SLC2A12: variants seen among roughly 807,000 people sequenced by gnomAD.
The protein encoded by SLC2A12 is solute carrier family 2 member 12.
A neutral mutation model predicts 41.8 loss-of-function variants in SLC2A12; 23 were observed. The ratio of observed to expected loss-of-function variants is 0.55; its 90% confidence interval spans 0.40 to 0.78. The LOEUF is 0.78. Ranked by LOEUF, SLC2A12 falls within the 30% of genes least tolerant of loss-of-function variation. SLC2A12 has a pLI of 0.00. For synonymous variants in SLC2A12, 295 were observed against 285.9 expected (o/e 1.03, Z -0.32); for missense variants, 654 against 745.6 (o/e 0.88, Z 1.43).
At chr6:133,999,663 C>T (rs1349138252) in intron 4 of SLC2A12, among the ~76,000 whole-genome samples, 1 of 152,194 alleles carries the variant, frequency 6.6e-6, no homozygotes, top group East Asian at 1.9e-4. Context: ...CTACTGCCAC[C>T]TATGTGATCA....
chr6:134,008,199 T>A (rs1388089193), intron 2 of SLC2A12, among the ~76,000 whole-genome samples: 1 of 152,198 alleles, frequency 6.6e-6, no homozygotes, highest in Non-Finnish European at 1.5e-5. Flanking sequence ...CTGGGCTGCC[T>A]ATGCCAGAAT....
At chr6:133,997,913 G>A (rs986386725) in intron 4 of SLC2A12, among the ~76,000 whole-genome samples, 1 of 152,172 alleles carries the variant, frequency 6.6e-6, no homozygotes, top group Admixed American at 6.5e-5. Context: ...ACTTTAAAAT[G>A]TAAAATTGTT....
rs1435575206 is a variant in SLC2A12, at chr6:133,990,350, A to G, written c.*805T>C. The G allele has an allele frequency of 6.6e-6, 1 of 152,618 alleles. No individual in the cohort carries two copies. The allele number at this position is 152,618 out of a possible 1,614,324, so 9.5% of individuals were successfully genotyped here. A position where few individuals can be genotyped will look rare whatever the true frequency, so the allele number is the denominator to read the frequency against. On this transcript the variant is annotated 3_prime_UTR_variant, in exon 5 of 5. Transcript: ENST00000275230. ...TCAACCTAATTGCTTAGAGATTTGGATAAATAACCTAATGGCCTGACTCCT... is the reference window on the plus strand; with the variant it reads ...TCAACCTAATTGCTTAGAGATTTGGGTAAATAACCTAATGGCCTGACTCCT...
chr6:134,011,608 T>G (rs1776884727), intron 2 of SLC2A12, among the ~76,000 whole-genome samples: 1 of 152,154 alleles, frequency 6.6e-6, no homozygotes, highest in Non-Finnish European at 1.5e-5. Context: ...AAATTTCTTT[T>G]TATTTACTCT....
chr6:134,005,886 G>A (rs1230637046), intron 3 of SLC2A12, among the ~76,000 whole-genome samples: 1 of 151,680 alleles, frequency 6.6e-6, no homozygotes, highest in African/African-American at 2.4e-5. Context: ...AGACAGAGAG[G>A]AGGGCTAGGC....
intron 4 of SLC2A12, 29 bp downstream of exon 4, chr6:134,001,968 G>C: frequency 1.3e-6 from 2 of 1,599,786 alleles, no homozygotes; most frequent in Non-Finnish European, 1.7e-6. Flanking sequence ...AAAGAGTATT[G>C]TTCAGAAACC....
At chr6:133,997,382 T>C (rs978396788) in intron 4 of SLC2A12, among the ~76,000 whole-genome samples, 1 of 152,164 alleles carries the variant, frequency 6.6e-6, no homozygotes, top group African/African-American at 2.4e-5. Context: ...CTATTCATAA[T>C]AGCAAACATG....
chr6:134,031,352 A>C (rs1428320982), intron 1 of SLC2A12, among the ~76,000 whole-genome samples: 1 of 152,174 alleles, frequency 6.6e-6, no homozygotes, highest in Non-Finnish European at 1.5e-5. Context: ...AGATCATGCC[A>C]CTGCACTCCA....
intron 4 of SLC2A12, among the ~76,000 whole-genome samples, chr6:133,994,586 G>A (rs566872150): frequency 6.6e-6 from 1 of 152,246 alleles, no homozygotes; most frequent in East Asian, 1.9e-4. Flanking sequence ...AAATTAGCCA[G>A]GCGTGGTGGC....
At chr6:134,003,883 A>G (rs1379433449) in intron 3 of SLC2A12, among the ~76,000 whole-genome samples, 8 of 152,246 alleles carry the variant, frequency 5.3e-5, no homozygotes, top group Non-Finnish European at 1.0e-4. Context: ...TGCATAAAAA[A>G]TGTTGGTGTT....
At chr6:134,021,352 C>T (rs969676806) in intron 2 of SLC2A12, among the ~76,000 whole-genome samples, 2 of 152,158 alleles carry the variant, frequency 1.3e-5, no homozygotes, top group African/African-American at 2.4e-5. Flanking sequence ...TTTAAACAGA[C>T]TCATGCTGTG....
chr6:134,029,123 G>A lies in SLC2A12; in HGVS notation c.702C>T (p.Ser234=). 3.1e-6 allele frequency: 5 copies of A among 1,614,132 alleles called. No homozygotes were observed. The highest frequency in any genetic ancestry group is 4.2e-6 in the Non-Finnish European group (5 of 1,180,030). ...LVMKGQEGAA[S]KVLGRLRALS... The stretch of plus-strand genomic sequence containing the variant: ...GTGCTCTTAACCTTCCAAGAACCTT[G>A]CTAGCAGCTCCCTCTTGTCCTTTCA... The change falls in exon 2 of 5, where the codon AGC becomes AGT. Residue 234 remains serine, a synonymous_variant. Transcript: ENST00000275230.
At position 134,025,746 on chromosome 6, in the gene SLC2A12, C is replaced by A. The variant is rs1167794499; in HGVS notation, c.1444+2635G>T. ...TTTTTAGTAGAGACGGGGTTTTCAC[C>A]ATGTTGGCCAGGCTGGTCTTGAACT... is the stretch of plus-strand genomic sequence containing the variant. On this transcript the variant is annotated intron_variant, in intron 2 of 4. Coordinates refer to ENST00000275230, the MANE Select transcript of SLC2A12 (RefSeq NM_145176.3). Among the ~76,000 whole-genome samples the A allele has an allele frequency of 7.2e-5, 11 of 152,234 alleles. No individual in the cohort carries two copies. The East Asian group carries it at 1.7e-3, about 24-fold the overall frequency.
chr6:134,040,078 T>C lies in SLC2A12; in HGVS notation c.104-10357A>G, dbSNP rs562730935. 4.6e-5 allele frequency among the ~76,000 whole-genome samples: 7 copies of C among 151,610 alleles called. No individual in the cohort carries two copies. In the East Asian group the frequency reaches 9.7e-4, roughly 21 times the overall value. ...TTTTTGTTTTTTTTTTTTTGTTTTT[T>C]GTTTTTTGTTTTTTTTGAGACAGGG... On this transcript the variant is annotated intron_variant, in intron 1 of 4. Coordinates refer to ENST00000275230, the MANE Select transcript of SLC2A12 (RefSeq NM_145176.3).
chr6:134,011,868 C>T (rs1776888745), intron 2 of SLC2A12, among the ~76,000 whole-genome samples: 2 of 152,034 alleles, frequency 1.3e-5, no homozygotes, highest in Admixed American at 1.3e-4. Context: ...ATTGTGAAAC[C>T]TCATCTCTAC....
chr6:134,012,021 G>A (rs1295299162), intron 2 of SLC2A12, among the ~76,000 whole-genome samples: 1 of 152,162 alleles, frequency 6.6e-6, no homozygotes, highest in Non-Finnish European at 1.5e-5. Flanking sequence ...CAACCTGGGA[G>A]ACAGAGCTAG....
intron 4 of SLC2A12, among the ~76,000 whole-genome samples, chr6:133,997,881 A>G (rs1356144338): frequency 1.3e-5 from 2 of 152,214 alleles, no homozygotes; most frequent in Non-Finnish European, 2.9e-5. Flanking sequence ...TATAGCTAGT[A>G]GGGATTACTA....
chr6:134,032,456 A>C (rs1193274849), intron 1 of SLC2A12, among the ~76,000 whole-genome samples: 1 of 36,336 alleles, frequency 2.8e-5, no homozygotes, highest in African/African-American at 1.2e-4. Flanking sequence ...ATAAATATAT[A>C]TATATATATT....
rs928655349 is a variant in SLC2A12, at chr6:134,008,120, T to C, written c.1445-1186A>G. On this transcript the variant is annotated intron_variant, in intron 2 of 4. Coordinates refer to ENST00000275230, the MANE Select transcript of SLC2A12 (RefSeq NM_145176.3). ...TGATTTATCAACCAATTACATAATTTTATCCCAGAAGAGGGGATGGGAAGA... is the reference window on the plus strand; with the variant it reads ...TGATTTATCAACCAATTACATAATTCTATCCCAGAAGAGGGGATGGGAAGA... 3.3e-5 allele frequency among the ~76,000 whole-genome samples: 5 copies of C among 152,330 alleles called. No homozygotes were observed. The East Asian group carries it at 9.6e-4, about 29-fold the overall frequency.
Sources: gnomAD v4.1 joint callset for allele counts (sites outside exome capture counted in the v4.1 genomes callset) on GRCh38, gnomAD v4.1.1 for gene constraint, MANE v1.5 for transcripts, NCBI Gene and HGNC (gene_info 2026-07-23, HGNC 2026-07-21) for gene names.